Variants in PSG3 observed in about 807,000 individuals in gnomAD.
PSG3 encodes pregnancy specific beta-1-glycoprotein 3.
In PSG3, 61 loss-of-function variants were observed where a neutral mutation model predicts 47.5. That is an observed-to-expected ratio of 1.28 (90% CI 1.05 to 1.59). The LOEUF is 1.59. PSG3 is among the 40% of genes most tolerant of loss of function. The pLI, the probability that PSG3 is intolerant of heterozygous loss-of-function variation, is 0.00. For synonymous variants in PSG3, 263 were observed against 198.4 expected, an observed-to-expected ratio of 1.33 and a Z score of -2.74; for missense variants, 756 against 524.0, an observed-to-expected ratio of 1.44 and a Z score of -4.32.
At chr19:42,734,634 T>C (rs556443003) in intron 2 of PSG3, among the ~76,000 whole-genome samples, 3 of 152,296 alleles carry the variant, frequency 2.0e-5, no homozygotes, top group Admixed American at 6.5e-5. Flanking sequence ...AAGGTTTAGG[T>C]GTGCCGTGAA....
Position 42,732,826 on chromosome 19 carries a change from C to A in PSG3, c.667G>T (p.Val223Leu). The part of the protein sequence containing the change: ...GPYECEIRNP[V>L]SASRSDPVTL... The stretch of plus-strand genomic sequence containing the variant: ...ACTGGGTCACTGCGGCTGGCACTCA[C>A]TGGGTTCCGTATTTCACATTCATAG... Residue 223 changes from valine (V) to leucine (L), a missense_variant, in exon 3 of 7, where the codon GTG (valine) becomes TTG (leucine). Physicochemically the swap from Val to Leu is conservative, Grantham distance 32 (BLOSUM62 1). Transcript: ENST00000327495. The A allele has an allele frequency of 6.2e-7, 1 of 1,614,178 alleles. No homozygotes were observed. Among genetic ancestry groups the A allele is most frequent in the East Asian group, 2.2e-5 (1 of 44,884 alleles).
chr19:42,738,234 G>A (rs1969598815), intron 2 of PSG3, among the ~76,000 whole-genome samples: 1 of 152,180 alleles, frequency 6.6e-6, no homozygotes, highest in Admixed American at 6.5e-5. Context: ...CTGACAGCTG[G>A]TAAATCCTTG....
At chr19:42,726,131 G>T (rs1969374545) in intron 5 of PSG3, among the ~76,000 whole-genome samples, 2 of 151,996 alleles carry the variant, frequency 1.3e-5, no homozygotes, top group African/African-American at 2.4e-5. Flanking sequence ...TTTCTAAGAA[G>T]GGAAGGAAAC....
chr19:42,724,601 G>A (rs1220286263), intron 5 of PSG3, among the ~76,000 whole-genome samples: 1 of 152,070 alleles, frequency 6.6e-6, no homozygotes, highest in African/African-American at 2.4e-5. Context: ...TAATTGAATT[G>A]GTACCTAAAA....
intron 6 of PSG3, 114 bp downstream of exon 6, chr19:42,723,828 T>G: frequency 1.3e-6 from 1 of 798,744 alleles, no homozygotes; most frequent in East Asian, 2.5e-5. Context: ...GAAGCAGGAG[T>G]TAGTGGAGGA....
At chr19:42,725,890 C>CAAAAAAAA (rs200684147) in intron 5 of PSG3, among the ~76,000 whole-genome samples, 756 of 67,724 alleles carry the variant, frequency 0.011, 23 homozygotes, top group African/African-American at 0.04. Context: ...CAACAACAAC[C>CAAAAAAAA]AAAAAAAAAA....
chr19:42,729,473 C>G (rs1243112041), intron 4 of PSG3, 96 bp from the exon 5 acceptor site: 1 of 1,529,882 alleles, frequency 6.5e-7, no homozygotes, highest in East Asian at 2.3e-5. Context: ...TGAGCCAAGA[C>G]ACACCCTCAA....
rs1465097697 is a variant in PSG3 at position 42,724,038 on chromosome 19, A to G, written c.1244-13T>C. 5 of 1,608,460 alleles carry G rather than the reference A, an allele frequency of 3.1e-6. No homozygotes were observed. The highest frequency in any genetic ancestry group is 2.2e-5 in the South Asian group (2 of 90,946). ...GTTCCTGAAGGAGCTGTCATGGAAA[A>G]AAAAGAAAAGAAGGAATGAAGATGA... On this transcript the variant is annotated splice_polypyrimidine_tract_variant and intron_variant, in intron 5 of 6. Coordinates refer to ENST00000327495, the MANE Select transcript of PSG3 (RefSeq NM_021016.4).
chr19:42,730,174 A>G, intron 3 of PSG3, 118 bp from the exon 4 acceptor site: 2 of 1,516,970 alleles, frequency 1.3e-6, no homozygotes, highest in Non-Finnish European at 1.8e-6. Context: ...TTGAAAGCCA[A>G]TAGCTGGTGC....
intron 1 of PSG3, among the ~76,000 whole-genome samples, chr19:42,739,840 C>G (rs189009654): frequency 3.5e-4 from 53 of 152,344 alleles, no homozygotes; most frequent in African/African-American, 1.2e-3. Flanking sequence ...TTTCCTACCT[C>G]TTACCAATTC....
At position 42,737,399 on chromosome 19, in the gene PSG3, G is replaced by T. The variant is rs1329353729; in HGVS notation, c.430+1325C>A. Among the ~76,000 whole-genome samples the T allele has an allele frequency of 8.5e-5, 13 of 152,126 alleles. 1 individual carries two copies. Among genetic ancestry groups the T allele is most frequent in the Admixed American group, 8.5e-4 (13 of 15,284 alleles). On this transcript the variant is annotated intron_variant, in intron 2 of 6. Coordinates refer to ENST00000327495, the MANE Select transcript of PSG3 (RefSeq NM_021016.4). Reference sequence around the variant, plus strand: ...GTGTGTCTGTCTCGCTGGGCCTATGGTGGTGTAGGGTGTGAGTGGGGAAAG... The same window carrying T: ...GTGTGTCTGTCTCGCTGGGCCTATGTTGGTGTAGGGTGTGAGTGGGGAAAG...
rs12185500 is a variant in PSG3, at chr19:42,739,096, G to A, written c.65-7C>T. ...CAGAAGTTTAAAAGTAATGCTAGGA[G>A]GTGGAGAGAGCATCAGTCAATATTG... is the stretch of plus-strand genomic sequence containing the variant. On this transcript the variant is annotated splice_region_variant and splice_polypyrimidine_tract_variant and intron_variant, in intron 1 of 6. Coordinates refer to ENST00000327495, the MANE Select transcript of PSG3 (RefSeq NM_021016.4). 875,246 of 1,564,076 alleles carry A rather than the reference G, an allele frequency of 0.56. 253,997 individuals are homozygous for A. The highest frequency in any genetic ancestry group is 0.85 in the African/African-American group (62,110 of 73,318).
chr19:42,731,155 G>T (rs1458376605), intron 3 of PSG3, among the ~76,000 whole-genome samples: 3 of 152,202 alleles, frequency 2.0e-5, no homozygotes, highest in Admixed American at 6.5e-5. Flanking sequence ...GTTATTCAAG[G>T]TGGGGAGGTT....
intron 6 of PSG3, among the ~76,000 whole-genome samples, chr19:42,722,520 C>T (rs1049518407): frequency 6.6e-6 from 1 of 152,202 alleles, no homozygotes. Context: ...TCCCAAAGTG[C>T]TGGGATGACA....
chr19:42,738,887 A>G lies in PSG3; in HGVS notation c.267T>C (p.Ile89=). The G allele has an allele frequency of 4.3e-6, 7 of 1,613,948 alleles. No individual in the cohort carries two copies. Among genetic ancestry groups the G allele is most frequent in the Non-Finnish European group, 5.9e-6 (7 of 1,179,964 alleles). The change falls in exon 2 of 7, where the codon ATT becomes ATC. Residue 89 remains isoleucine (I), a synonymous_variant. Transcript: ENST00000327495. The part of the protein sequence containing the change: ...ITSYVVDGQI[I]IYGPAYSGRE... ...GTCCACTGTATGCAGGCCCATATAT[A>G]ATTATTTGACCATCTACTACGTATG...
At chr19:42,739,422 T>C (rs2122204098) in intron 1 of PSG3, 2 of 277,560 alleles carry the variant, frequency 7.2e-6, no homozygotes, top group Non-Finnish European at 6.7e-6. Context: ...TTAGACTTCT[T>C]TCCTGACGCC....
intron 2 of PSG3, 97 bp from the exon 3 acceptor site, chr19:42,733,159 C>T: frequency 6.5e-7 from 1 of 1,532,168 alleles, no homozygotes; most frequent in Non-Finnish European, 8.8e-7. Flanking sequence ...CCTCTCAGCC[C>T]ACCCAAGTCC....
At chr19:42,738,524 C>G (rs1455318230) in intron 2 of PSG3, among the ~76,000 whole-genome samples, 200 bp downstream of exon 2, 1 of 152,198 alleles carries the variant, frequency 6.6e-6, no homozygotes, top group East Asian at 1.9e-4. Context: ...CAGCGAGTGT[C>G]TGCAGGGTCT....
At position 42,738,830 on chromosome 19, in the gene PSG3, C is replaced by T. The variant is rs1969612394; in HGVS notation, c.324G>A (p.Leu108=). The change falls in exon 2 of 7, where the codon CTG becomes CTA. Residue 108 remains leucine (L), a synonymous_variant. Transcript: ENST00000327495. ...CGTCCTCCCGGGTGACATTCTGGAT[C>T]AGCAGGGATGCATTGGAATATACTG... The part of the protein sequence containing the change: ...RETVYSNASL[L]IQNVTREDAG... The T allele has an allele frequency of 3.7e-6, 6 of 1,614,134 alleles. No individual in the cohort carries two copies. Among genetic ancestry groups the T allele is most frequent in the Non-Finnish European group, 4.2e-6 (5 of 1,180,002 alleles).
Sources: gnomAD v4.1 joint callset for allele counts (sites outside exome capture counted in the v4.1 genomes callset) on GRCh38, gnomAD v4.1.1 for gene constraint, MANE v1.5 for transcripts, NCBI Gene and HGNC (gene_info 2026-07-23, HGNC 2026-07-21) for gene names.